The following CD84 variants were observed in gnomAD, a reference collection of about 807,000 sequenced individuals.
CD84 encodes SLAM family member 5.
In CD84, 22 loss-of-function variants were observed where a neutral mutation model predicts 33.8. The ratio of observed to expected loss-of-function variants is 0.65; its 90% confidence interval spans 0.46 to 0.93. The LOEUF (loss-of-function observed/expected upper bound fraction) is 0.93. CD84 is among the 40% of genes least tolerant of loss of function. The probability of loss-of-function intolerance (pLI) is 0.00; values close to 1 mark genes in which losing one functional copy is unlikely to be tolerated. For missense variants in CD84, 400 were observed against 397.6 expected (o/e 1.01, Z -0.05); for synonymous variants, 154 against 145.2 (o/e 1.06, Z -0.44).
At chr1:160,556,587 A>G (rs189861580) in intron 2 of CD84, among the ~76,000 whole-genome samples, 27 of 152,356 alleles carry the variant, frequency 1.8e-4, no homozygotes, top group African/African-American at 6.5e-4. Context: ...ATCTCATTGT[A>G]TTATCTTTTG....
rs1571342816 is a variant in CD84, at chr1:160,548,171, T to A, written c.*85A>T. The A allele has an allele frequency of 7.1e-7, 1 of 1,400,848 alleles. No individual in the cohort carries two copies. Among genetic ancestry groups the A allele is most frequent in the Non-Finnish European group, 1.0e-6 (1 of 990,396 alleles). The allele number at this position is 1,400,848 out of a possible 1,614,324, so 86.8% of individuals were successfully genotyped here. ...CAGTTTGCAATCTCCCAGTAAGAGT[T>A]GGGCAGAGAAGATCTGGATCCAGGG... is the stretch of plus-strand genomic sequence containing the variant. On this transcript the variant is annotated 3_prime_UTR_variant, in exon 7 of 7. Transcript: ENST00000368054.
intron 2 of CD84, among the ~76,000 whole-genome samples, chr1:160,563,109 G>T (rs762513921): frequency 2.2e-4 from 33 of 152,276 alleles, no homozygotes; most frequent in Non-Finnish European, 2.8e-4. Flanking sequence ...TGGCAAGATT[G>T]CAGGGAAAAA....
chr1:160,553,394 C>T lies in CD84; in HGVS notation c.744G>A (p.Leu248=). 1 of 1,614,124 alleles carries T rather than the reference C, an allele frequency of 6.2e-7. No homozygotes were observed. The highest frequency in any genetic ancestry group is 8.5e-7 in the Non-Finnish European group (1 of 1,180,026). The stretch of plus-strand genomic sequence containing the variant: ...AAATCCTACCTTGTCTTCTCTTGAA[C>T]AAACGGAACAAAAACACTGAAGACA... ...LILSSVFLFR[L]FKRRQDAASK... The change falls in exon 4 of 7, where the codon TTG becomes TTA. Residue 248 remains leucine (L), a synonymous_variant. Coordinates refer to ENST00000368054, the MANE Select transcript of CD84 (RefSeq NM_003874.4).
At chr1:160,579,269 G>T in intron 1 of CD84, 123 bp downstream of exon 1, 1 of 1,343,794 alleles carries the variant, frequency 7.4e-7, no homozygotes, top group Non-Finnish European at 1.0e-6. Flanking sequence ...GAGTACAGTA[G>T]ATACTGAGAC....
intron 2 of CD84, among the ~76,000 whole-genome samples, chr1:160,559,906 G>A (rs941014137): frequency 1.3e-5 from 2 of 151,766 alleles, no homozygotes; most frequent in Admixed American, 1.3e-4. Flanking sequence ...GATGGTAATG[G>A]GTAACTACCC....
intron 1 of CD84, among the ~76,000 whole-genome samples, chr1:160,568,053 C>T (rs942753292): frequency 2.0e-5 from 3 of 152,114 alleles, no homozygotes; most frequent in Non-Finnish European, 2.9e-5. Flanking sequence ...TCCCACGTCT[C>T]AAGTCTTTTT....
Position 160,552,688 on chromosome 1 carries a change from T to G in CD84, c.760+690A>C, listed in dbSNP as rs1263198776. 3.3e-6 allele frequency: 5 copies of G among 1,537,028 alleles called. No homozygotes were observed. The Admixed American group carries it at 9.8e-5, about 30-fold the overall frequency. ...CTCCCAATTGTTATTCAAGGAACTT[T>G]GTGGCTGAGAACTTACAAGGGTTCT... On this transcript the variant is annotated intron_variant, in intron 4 of 6. Transcript: ENST00000368054.
intron 1 of CD84, chr1:160,571,184 T>C (rs1434627847): frequency 6.6e-6 from 1 of 151,986 alleles, no homozygotes; most frequent in Admixed American, 6.6e-5. Flanking sequence ...ATCCAGCGGG[T>C]TTAGAGATCA....
intron 4 of CD84, among the ~76,000 whole-genome samples, chr1:160,551,830 C>A (rs1223346950): frequency 1.3e-5 from 2 of 152,186 alleles, no homozygotes; most frequent in Non-Finnish European, 1.5e-5. Context: ...CAGGCATGAG[C>A]CACAGCACCC....
chr1:160,553,480 G>C lies in CD84; in HGVS notation c.658C>G (p.Arg220Gly). The C allele has an allele frequency of 1.2e-6, 2 of 1,614,086 alleles. No individual in the cohort carries two copies. The highest frequency in any genetic ancestry group is 1.7e-6 in the Non-Finnish European group (2 of 1,180,000). Residue 220 changes from arginine to glycine, a missense_variant, in exon 4 of 7, where the codon CGT becomes GGT. Physicochemically the swap from Arg to Gly is moderately radical, Grantham distance 125. Transcript: ENST00000368054. ...CTCAGCAACCCGGTGTGGTGAGTACGGAAGCCCATTGCGATGTCTGGAAAT... is the reference window on the plus strand; with the variant it reads ...CTCAGCAACCCGGTGTGGTGAGTACCGAAGCCCATTGCGATGTCTGGAAAT... ...QLCADIAMGF[R>G]THHTGLLSVL...
At position 160,545,605 on chromosome 1, in the gene CD84, G is replaced by A. The variant is rs1363561277; in HGVS notation, c.*2651C>T. 1 of 152,056 alleles carries A rather than the reference G, an allele frequency of 6.6e-6. No homozygotes were observed. Among genetic ancestry groups the A allele is most frequent in the Non-Finnish European group, 1.5e-5 (1 of 68,016 alleles). The allele number at this position is 152,056 out of a possible 1,614,324, so 9.4% of individuals were successfully genotyped here. A position where few individuals can be genotyped will look rare whatever the true frequency, so the allele number is the denominator to read the frequency against. On this transcript the variant is annotated 3_prime_UTR_variant, in exon 7 of 7. Coordinates refer to ENST00000368054, the MANE Select transcript of CD84 (RefSeq NM_003874.4). ...TGCCTTTACACTAGGAACAGCCTCT[G>A]ATGTATGCATCCTGATATTATTTTA...
intron 1 of CD84, among the ~76,000 whole-genome samples, chr1:160,568,058 C>A (rs1271064428): frequency 6.6e-6 from 1 of 152,144 alleles, no homozygotes; most frequent in Non-Finnish European, 1.5e-5. Context: ...CGTCTCAAGT[C>A]TTTTTTGAAG....
rs1399108150 is a variant in CD84 at position 160,547,107 on chromosome 1, T to C, written c.*1149A>G. The C allele has an allele frequency of 1.0e-5, 4 of 398,850 alleles. No homozygotes were observed. Among genetic ancestry groups the C allele is most frequent in the African/African-American group, 4.1e-5 (2 of 48,632 alleles). The allele number at this position is 398,850 out of a possible 1,614,324, so 24.7% of individuals were successfully genotyped here. ...CCTCATTGAGGAGAGTTAATGCCTG[T>C]GTAAGCTGGCTGGTGATCTGTTTGT... On this transcript the variant is annotated 3_prime_UTR_variant, in exon 7 of 7. Transcript: ENST00000368054.
In CD84 at chr1:160,555,527, T is replaced by C. The variant is rs529661996; in HGVS notation, c.389-1381A>G. On this transcript the variant is annotated intron_variant, in intron 2 of 6. Coordinates refer to ENST00000368054, the MANE Select transcript of CD84 (RefSeq NM_003874.4). ...TTACTTAAGCAATCAAAAAGTAAAC[T>C]ATAAAAGTTGAAGGCTAGTAAAGGG... 2.0e-5 allele frequency among the ~76,000 whole-genome samples: 3 copies of C among 152,304 alleles called. No individual in the cohort carries two copies. The South Asian group carries it at 6.2e-4, about 32-fold the overall frequency.
rs1655630982 is a variant in CD84 at position 160,543,163 on chromosome 1, GAATT to G, written c.*5089_*5092del. 1 of 152,078 alleles carries G rather than the reference GAATT, an allele frequency of 6.6e-6. No homozygotes were observed. Among genetic ancestry groups the G allele is most frequent in the Admixed American group, 6.6e-5 (1 of 15,260 alleles). The allele number at this position is 152,078 out of a possible 1,614,324, so 9.4% of individuals were successfully genotyped here. A position where few individuals can be genotyped will look rare whatever the true frequency, so the allele number is the denominator to read the frequency against. Reference sequence around the variant, plus strand: ...TTGAGTGGTTATCCAGATAGCAATGGAATTAATATATTAATATATTTACTTTGAG... The same window carrying G: ...TTGAGTGGTTATCCAGATAGCAATGGAATATATTAATATATTTACTTTGAG... On this transcript the variant is annotated 3_prime_UTR_variant, in exon 7 of 7. Coordinates refer to ENST00000368054, the MANE Select transcript of CD84 (RefSeq NM_003874.4).
At chr1:160,553,173 G>T in intron 4 of CD84, 1 of 801,962 alleles carries the variant, frequency 1.2e-6, no homozygotes, top group South Asian at 1.6e-5. Flanking sequence ...AGCTACTGGT[G>T]ATCTCAGGAA....
chr1:160,576,625 A>C lies in CD84; in HGVS notation c.46+2767T>G, dbSNP rs573940697. Among the ~76,000 whole-genome samples the C allele has an allele frequency of 3.3e-5, 5 of 152,300 alleles. No homozygotes were observed. In the East Asian group the frequency reaches 9.6e-4, roughly 29 times the overall value. On this transcript the variant is annotated intron_variant, in intron 1 of 6. Coordinates refer to ENST00000368054, the MANE Select transcript of CD84 (RefSeq NM_003874.4). The stretch of plus-strand genomic sequence containing the variant: ...GGAGAGTAATTTACTCCACTTCAGC[A>C]TCAATGTGGGTGGAGGCAGCATGAC...
chr1:160,566,259 T>C (rs1480126713), intron 1 of CD84, among the ~76,000 whole-genome samples: 1 of 152,216 alleles, frequency 6.6e-6, no homozygotes, highest in Non-Finnish European at 1.5e-5. Context: ...TTGGAGTCTC[T>C]GGAGAAAATA....
intron 2 of CD84, 74 bp downstream of exon 2, chr1:160,565,330 A>G: frequency 1.8e-6 from 2 of 1,112,338 alleles, no homozygotes; most frequent in South Asian, 1.5e-5. Context: ...ATTATCAGAA[A>G]TGTAGATGTG....
Sources: gnomAD v4.1 joint callset for allele counts (sites outside exome capture counted in the v4.1 genomes callset) on GRCh38, gnomAD v4.1.1 for gene constraint, MANE v1.5 for transcripts, NCBI Gene and HGNC (gene_info 2026-07-23, HGNC 2026-07-21) for gene names.